Variants in SYBU observed in about 807,000 individuals in gnomAD.
The protein encoded by SYBU is GOLSYN A protein.
In SYBU, 21 loss-of-function variants were observed where a neutral mutation model predicts 35.9. That is an observed-to-expected ratio of 0.58 (90% CI 0.41 to 0.84). SYBU has a LOEUF of 0.84. SYBU is among the 40% of genes least tolerant of loss of function. The pLI is 0.00. For synonymous variants in SYBU, 319 were observed against 324.3 expected (o/e 0.98, Z 0.18); for missense variants, 768 against 848.2 (o/e 0.91, Z 1.17).
chr8:109,654,791 C>A (rs1403087896), intron 1 of SYBU, among the ~76,000 whole-genome samples: 1 of 152,176 alleles, frequency 6.6e-6, no homozygotes, highest in African/African-American at 2.4e-5. Flanking sequence ...ATCATGAAGA[C>A]CCTGACACCT....
chr8:109,583,226 C>T (rs1300945657), intron 4 of SYBU, among the ~76,000 whole-genome samples: 1 of 152,172 alleles, frequency 6.6e-6, no homozygotes, highest in Non-Finnish European at 1.5e-5. Context: ...CATATCATCT[C>T]ATTTAACTCA....
In SYBU at chr8:109,691,468, G is replaced by A. The variant is rs1265940084; in HGVS notation, c.-193C>T. On this transcript the variant is annotated 5_prime_UTR_variant, in exon 1 of 8. Transcript: ENST00000422135. This position sits in a 1 kb window ranked among gnomAD's most constrained non-coding sequence, Gnocchi z 4.7. ...TCGCTGCTGGTTTGCGCTCAGGCCC[G>A]GGGAGCCGGGCCCGGCCCGCTCCGC... is the stretch of plus-strand genomic sequence containing the variant. 1.2e-5 allele frequency: 7 copies of A among 570,468 alleles called. No individual in the cohort carries two copies. Among genetic ancestry groups the A allele is most frequent in the South Asian group, 6.4e-5 (3 of 46,988 alleles). 35.3% of individuals were successfully genotyped at this position (570,468 alleles called of 1,614,324 possible).
intron 3 of SYBU, among the ~76,000 whole-genome samples, chr8:109,590,003 TA>T (rs554749555): frequency 6.4e-4 from 93 of 145,658 alleles, no homozygotes; most frequent in South Asian, 1.7e-3. Flanking sequence ...GGCAGTAAAT[TA>T]AAAAAAAAAA....
At chr8:109,586,232 C>T in intron 3 of SYBU, 70 bp from the exon 4 acceptor site, 1 of 1,129,354 alleles carries the variant, frequency 8.9e-7, no homozygotes, top group South Asian at 1.3e-5. Context: ...CAGTTCCCTG[C>T]CTTCCAGGTC....
At position 109,622,187 on chromosome 8, in the gene SYBU, A is replaced by ATCTG. The variant is rs1471332646; in HGVS notation, c.230-3149_230-3148insCAGA. On this transcript the variant is annotated intron_variant, in intron 2 of 6. Transcript: ENST00000276646. Reference sequence around the variant, plus strand: ...AAACAATAAAATAATATGAGTATCTATCTATCTATCTATCTATCTATCTAT... The same window carrying ATCTG: ...AAACAATAAAATAATATGAGTATCTATCTGTCTATCTATCTATCTATCTATCTAT... Among the ~76,000 whole-genome samples the ATCTG allele has an allele frequency of 7.0e-5, 9 of 127,686 alleles. No individual in the cohort carries two copies. The East Asian group carries it at 1.1e-3, about 16-fold the overall frequency. 83.8% of individuals were successfully genotyped at this position (127,686 alleles called of 152,430 possible). A position where few individuals can be genotyped will look rare whatever the true frequency, so the allele number is the denominator to read the frequency against.
chr8:109,592,688 T>C (rs1428985750), intron 3 of SYBU, among the ~76,000 whole-genome samples: 1 of 152,190 alleles, frequency 6.6e-6, no homozygotes, highest in Non-Finnish European at 1.5e-5. Flanking sequence ...GTAAAGAAAC[T>C]TCAATAAACA....
intron 1 of SYBU, among the ~76,000 whole-genome samples, chr8:109,651,556 AAAG>A (rs1308643960): frequency 1.3e-5 from 2 of 150,698 alleles, no homozygotes; most frequent in Non-Finnish European, 2.9e-5. Context: ...GCTAAAAAGG[AAAG>A]AAGAACCAGT....
intron 3 of SYBU, among the ~76,000 whole-genome samples, chr8:109,616,064 T>TGTAG (rs1563726257): frequency 7.4e-6 from 1 of 134,392 alleles, no homozygotes; most frequent in East Asian, 2.2e-4. Flanking sequence ...CAGGCTGGAG[T>TGTAG]GCAGTGGCAT....
chr8:109,685,839 T>C (rs1458494062), upstream of SYBU, among the ~76,000 whole-genome samples: 2 of 152,102 alleles, frequency 1.3e-5, no homozygotes, highest in Non-Finnish European at 2.9e-5. Context: ...GACAAAGCAA[T>C]ACTATGGGAC....
chr8:109,670,763 CTTCCTTTCT>C, intron 1 of SYBU, among the ~76,000 whole-genome samples: 1 of 152,202 alleles, frequency 6.6e-6, no homozygotes, highest in East Asian at 1.9e-4. Context: ...ATCCTGATTC[CTTCCTTTCT>C]TTTCTTCCCT....
At chr8:109,670,034 T>C (rs927691738) in intron 1 of SYBU, among the ~76,000 whole-genome samples, 1 of 152,174 alleles carries the variant, frequency 6.6e-6, no homozygotes, top group Non-Finnish European at 1.5e-5. Context: ...TTTCATGATG[T>C]AGAAATTAAC....
At chr8:109,674,291 TCAGGTTACTCA>T (rs1817099887) in intron 1 of SYBU, among the ~76,000 whole-genome samples, 1 of 149,834 alleles carries the variant, frequency 6.7e-6, no homozygotes, top group African/African-American at 2.5e-5. Context: ...AAGAGAAAGG[TCAGGTTACTCA>T]CAAAGGGAAG....
chr8:109,667,144 TC>T (rs1816783793), intron 1 of SYBU, among the ~76,000 whole-genome samples: 1 of 152,106 alleles, frequency 6.6e-6, no homozygotes, highest in Non-Finnish European at 1.5e-5. Context: ...TGAGACAGAG[TC>T]TGGCTCTGTC....
rs1411131059 is a variant in SYBU at position 109,574,765 on chromosome 8, G to A, written c.*141C>T. ...ACCTCCGGTTTTAAACAGTGAACAG[G>A]CTTCAACTAAATATAGTGCAAATCA... On this transcript the variant is annotated 3_prime_UTR_variant, in exon 7 of 7. Coordinates refer to ENST00000276646, the MANE Select transcript of SYBU (RefSeq NM_001099754.2). The A allele has an allele frequency of 7.8e-5, 71 of 912,606 alleles. 2 individuals carry two copies. The South Asian group carries it at 1.6e-3, about 21-fold the overall frequency. 56.5% of individuals were successfully genotyped at this position (912,606 alleles called of 1,614,324 possible).
At chr8:109,660,112 C>G (rs941404838) in intron 1 of SYBU, among the ~76,000 whole-genome samples, 46 of 152,096 alleles carry the variant, frequency 3.0e-4, no homozygotes, top group Admixed American at 2.9e-3. Context: ...AGAAAGACAT[C>G]TTTCCACATT....
intron 3 of SYBU, among the ~76,000 whole-genome samples, chr8:109,609,045 A>G (rs766050741): frequency 1.1e-4 from 17 of 152,198 alleles, no homozygotes; most frequent in Non-Finnish European, 2.5e-4. Flanking sequence ...TCCTTATGTT[A>G]CCAAATAAAC....
At chr8:109,687,877 A>G (rs13253416) in intron 1 of SYBU, among the ~76,000 whole-genome samples, 13,475 of 152,292 alleles carry the variant, frequency 0.088, 675 homozygotes, top group East Asian at 0.12. Context: ...CTTCCCAATA[A>G]TTAAATGGAC....
chr8:109,574,687 A>G lies in SYBU; in HGVS notation c.*219T>C, dbSNP rs917932524. The G allele has an allele frequency of 1.1e-5, 5 of 442,804 alleles. No individual in the cohort carries two copies. The highest frequency in any genetic ancestry group is 3.9e-5 in the Admixed American group (1 of 25,790). The allele number at this position is 442,804 out of a possible 1,614,324, so 27.4% of individuals were successfully genotyped here. A position where few individuals can be genotyped will look rare whatever the true frequency, so the allele number is the denominator to read the frequency against. ...CGGCAGGGTCATGAGCATGCTTTCTATACCCCACTGGTGGGACATTTACTG... is the reference window on the plus strand; with the variant it reads ...CGGCAGGGTCATGAGCATGCTTTCTGTACCCCACTGGTGGGACATTTACTG... On this transcript the variant is annotated 3_prime_UTR_variant, in exon 7 of 7. Coordinates refer to ENST00000276646, the MANE Select transcript of SYBU (RefSeq NM_001099754.2).
intron 1 of SYBU, among the ~76,000 whole-genome samples, chr8:109,672,252 T>C (rs1563775298): frequency 2.6e-5 from 4 of 152,050 alleles, no homozygotes; most frequent in African/African-American, 9.7e-5. Flanking sequence ...GATGACGGAA[T>C]AGGAACAGCT....
Sources: allele counts gnomAD v4.1 joint callset (sites outside exome capture counted in the v4.1 genomes callset), GRCh38; gene constraint gnomAD v4.1.1; non-coding constraint Gnocchi (gnomAD v3.1); transcripts MANE v1.5; gene names NCBI Gene and HGNC (gene_info 2026-07-23, HGNC 2026-07-21).